Variants in BNIPL observed in about 807,000 individuals in gnomAD.
BNIPL encodes BCL2 interacting protein like.
BNIPL carries 33 observed loss-of-function variants against 47.0 expected under a neutral mutation model. That is an observed-to-expected ratio of 0.70 (90% CI 0.53 to 0.94). The LOEUF is 0.94. Among genes scored for constraint, BNIPL ranks in the 40% least tolerant of loss-of-function variants. BNIPL has a pLI of 0.00. For synonymous variants in BNIPL, 145 were observed against 162.7 expected (o/e 0.89, Z 0.83); for missense variants, 404 against 445.2 (o/e 0.91, Z 0.83).
chr1:151,041,474 C>T (rs1195981889), intron 4 of BNIPL, among the ~76,000 whole-genome samples: 2 of 152,082 alleles, frequency 1.3e-5, no homozygotes, highest in African/African-American at 4.8e-5. Context: ...TGATGTGTAC[C>T]CATAGCCCTA....
intron 5 of BNIPL, 42 bp from the exon 6 acceptor site, chr1:151,043,290 C>A (rs757165329): frequency 2.0e-6 from 3 of 1,523,758 alleles, no homozygotes; most frequent in Non-Finnish European, 9.1e-7. Flanking sequence ...TCTGTCAATA[C>A]ATATTTGTTG....
In BNIPL at chr1:151,045,780, C is replaced by G; in HGVS notation, c.852-17C>G. On this transcript the variant is annotated splice_polypyrimidine_tract_variant and intron_variant, in intron 7 of 9. Transcript: ENST00000368931. ...AAGGTGGAAGAAGAAATAGGATGATCTCATGTTGTTTTTCAGGCTACGGAA... is the reference window on the plus strand; with the variant it reads ...AAGGTGGAAGAAGAAATAGGATGATGTCATGTTGTTTTTCAGGCTACGGAA... 6.2e-7 allele frequency: 1 copy of G among 1,614,012 alleles called. No homozygotes were observed. The highest frequency in any genetic ancestry group is 1.3e-5 in the African/African-American group (1 of 75,016).
chr1:151,046,662 A>G lies in BNIPL; in HGVS notation c.1049A>G (p.Asp350Gly). The G allele has an allele frequency of 6.2e-7, 1 of 1,603,458 alleles. No homozygotes were observed. The highest frequency in any genetic ancestry group is 8.5e-7 in the Non-Finnish European group (1 of 1,173,730). Reference sequence around the variant, plus strand: ...TCTCCCTCTCCTAGGCTGGACCGGGATCTCCATGGCTCAGGAGGGACATAG... The same window carrying G: ...TCTCCCTCTCCTAGGCTGGACCGGGGTCTCCATGGCTCAGGAGGGACATAG... ...IPEAVRQLDR[D>G]LHGSGGT Residue 350 changes from aspartate to glycine, a missense_variant, in exon 10 of 10, where the codon GAT becomes GGT. Transcript: ENST00000368931.
At chr1:151,044,067 C>G (rs1675925044) in intron 7 of BNIPL, among the ~76,000 whole-genome samples, 1 of 152,206 alleles carries the variant, frequency 6.6e-6, no homozygotes, top group South Asian at 2.1e-4. Context: ...TCACTGCCAC[C>G]TCTGCCTGCC....
rs1426883922 is a variant in BNIPL at position 151,039,008 on chromosome 1, C to G, written c.415C>G (p.His139Asp). Residue 139 changes from histidine (H) to aspartate (D), a missense_variant, in exon 4 of 10, where the codon CAT becomes GAT. By Grantham distance (81) the His-to-Asp change is moderately conservative. Coordinates refer to ENST00000368931, the MANE Select transcript of BNIPL (RefSeq NM_138278.4). ...AGACTCGGAGCAGCTGGACAGTGGA[C>G]ATGAATTTGAATGGGAAGGTGGGAA... is the stretch of plus-strand genomic sequence containing the variant. ...PSDSEQLDSG[H>D]EFEWEDELPR... 1.3e-6 allele frequency: 2 copies of G among 1,583,998 alleles called. No homozygotes were observed. Among genetic ancestry groups the G allele is most frequent in the Non-Finnish European group, 1.7e-6 (2 of 1,166,454 alleles).
rs587769189 is a variant in BNIPL at position 151,045,558 on chromosome 1, CAAAAAAAAAAA to C, written c.852-228_852-218del. 5.2e-5 allele frequency: 13 copies of C among 249,970 alleles called. No individual in the cohort carries two copies. The East Asian group carries it at 1.6e-3, about 32-fold the overall frequency. 15.5% of individuals were successfully genotyped at this position (249,970 alleles called of 1,614,324 possible). On this transcript the variant is annotated intron_variant, in intron 7 of 9. Transcript: ENST00000368931. ...CAGGCGACAGAGTGAGACTCCGTCT[CAAAAAAAAAAA>C]AAAAAAAAAATCTTGAGAGTTTTTT...
At chr1:151,037,731 C>A in intron 2 of BNIPL, 69 bp downstream of exon 2, 2 of 1,355,992 alleles carry the variant, frequency 1.5e-6, no homozygotes, top group Non-Finnish European at 2.0e-6. Flanking sequence ...GATGGCGCGG[C>A]GGCTCATGGC....
chr1:151,043,393 C>A lies in BNIPL; in HGVS notation c.678C>A (p.Ser226Arg). The change falls in exon 6 of 10, where the codon AGC becomes AGA. Residue 226 changes from serine to arginine, a missense_variant. Ser to Arg is a moderately radical substitution (Grantham distance 110). Transcript: ENST00000368931. ...TTGCTTCCTGTTATCTACCCAGAAG[C>A]AGCATCCCCAACTACACCTATGTCA... ...ILFASCYLPRSSIPNYTYVME... is the reference protein window; with the variant it reads ...ILFASCYLPRRSIPNYTYVME... 1 of 1,611,298 alleles carries A rather than the reference C, an allele frequency of 6.2e-7. No individual in the cohort carries two copies. Among genetic ancestry groups the A allele is most frequent in the Non-Finnish European group, 8.5e-7 (1 of 1,177,456 alleles).
chr1:151,037,417 G>A, intron 1 of BNIPL, 150 bp from the exon 2 acceptor site: 1 of 1,366,598 alleles, frequency 7.3e-7, no homozygotes, highest in South Asian at 1.7e-5. Flanking sequence ...AAGTGGTGAA[G>A]GTAAGAGAAG....
At chr1:151,037,745 A>T in intron 2 of BNIPL, 83 bp downstream of exon 2, 1 of 1,251,474 alleles carries the variant, frequency 8.0e-7, no homozygotes. Context: ...TCATGGCTGT[A>T]ATCCCAGCAC....
chr1:151,042,729 G>T (rs760704408), intron 4 of BNIPL, among the ~76,000 whole-genome samples: 2 of 151,654 alleles, frequency 1.3e-5, no homozygotes, highest in Non-Finnish European at 2.9e-5. Context: ...CTAGAGAATC[G>T]CTTGAGCCCA....
intron 4 of BNIPL, among the ~76,000 whole-genome samples, chr1:151,042,279 A>G (rs1675851763): frequency 6.6e-6 from 1 of 151,540 alleles, no homozygotes; most frequent in Non-Finnish European, 1.5e-5. Flanking sequence ...TTGTAATTTT[A>G]TTATTTTTTA....
intron 7 of BNIPL, among the ~76,000 whole-genome samples, chr1:151,044,635 G>A (rs587667917): frequency 2.0e-4 from 30 of 151,882 alleles, no homozygotes; most frequent in African/African-American, 7.2e-4. Flanking sequence ...TGTTGTTGTT[G>A]TTAGAGACAG....
rs758215721 is a variant in BNIPL at position 151,043,447 on chromosome 1, G to T, written c.719+13G>T. 9.2e-5 allele frequency: 145 copies of T among 1,577,806 alleles called. No homozygotes were observed. Among genetic ancestry groups the T allele is most frequent in the Non-Finnish European group, 1.2e-4 (139 of 1,147,220 alleles). The stretch of plus-strand genomic sequence containing the variant: ...AACACTTGTTTAGGTGAGGTGGAAG[G>T]CCTGAAGGGCTACAGGGCAGTGTTA... On this transcript the variant is annotated intron_variant, in intron 6 of 9. Coordinates refer to ENST00000368931, the MANE Select transcript of BNIPL (RefSeq NM_138278.4).
Position 151,047,692 on chromosome 1 carries a change from G to C in BNIPL, c.*1005G>C. ...GAGGTTCCTTAGGAGCACCCCGCGC[G>C]GCCCGCGCGAGCGCGCCTGCGCGTC... On this transcript the variant is annotated 3_prime_UTR_variant, in exon 10 of 10. Transcript: ENST00000368931. The C allele has an allele frequency of 7.8e-7, 1 of 1,289,762 alleles. No homozygotes were observed. Among genetic ancestry groups the C allele is most frequent in the Non-Finnish European group, 1.0e-6 (1 of 980,638 alleles). The allele number at this position is 1,289,762 out of a possible 1,614,324, so 79.9% of individuals were successfully genotyped here. A position where few individuals can be genotyped will look rare whatever the true frequency, so the allele number is the denominator to read the frequency against.
chr1:151,037,708 A>G, intron 2 of BNIPL, 46 bp downstream of exon 2: 1 of 1,503,810 alleles, frequency 6.6e-7, no homozygotes, highest in African/African-American at 1.4e-5. Context: ...GGTGGTCACG[A>G]ATGGACGGAG....
intron 7 of BNIPL, 144 bp from the exon 8 acceptor site, chr1:151,045,653 G>T (rs1426098347): frequency 2.1e-6 from 3 of 1,418,324 alleles, no homozygotes; most frequent in Non-Finnish European, 2.8e-6. Context: ...TACAGCTGAC[G>T]GAATGGGGAT....
chr1:151,042,897 AC>A, intron 4 of BNIPL, 58 bp from the exon 5 acceptor site: 1 of 1,342,224 alleles, frequency 7.5e-7, no homozygotes, highest in Non-Finnish European at 1.0e-6. Flanking sequence ...TGAGGAAGTT[AC>A]AAAAAACTGA....
Position 151,043,400 on chromosome 1 carries a change from C to T in BNIPL, c.685C>T (p.Pro229Ser). 1 of 1,609,416 alleles carries T rather than the reference C, an allele frequency of 6.2e-7. No homozygotes were observed. The change falls in exon 6 of 10, where the codon CCC becomes TCC. Residue 229 changes from proline (P) to serine (S), a missense_variant. Transcript: ENST00000368931. ...CTGTTATCTACCCAGAAGCAGCATC[C>T]CCAACTACACCTATGTCATGGAACA... ...ASCYLPRSSI[P>S]NYTYVMEHLF...
Sources: gnomAD v4.1 joint callset for allele counts (sites outside exome capture counted in the v4.1 genomes callset) on GRCh38, gnomAD v4.1.1 for gene constraint, MANE v1.5 for transcripts, NCBI Gene and HGNC (gene_info 2026-07-23, HGNC 2026-07-21) for gene names.